Variants in TCF12 observed in about 807,000 individuals in gnomAD.
TCF12 encodes DNA-binding protein HTF4.
A neutral mutation model predicts 86.0 loss-of-function variants in TCF12; 45 were observed. That is an observed-to-expected ratio of 0.52 (90% CI 0.41 to 0.67). The LOEUF (loss-of-function observed/expected upper bound fraction) is 0.67. Among genes scored for constraint, TCF12 ranks in the 30% least tolerant of loss-of-function variants. TCF12 has a pLI of 0.00. For synonymous variants in TCF12, 330 were observed against 299.6 expected (o/e 1.10, Z -1.05); for missense variants, 881 against 859.9 (o/e 1.02, Z -0.31).
At chr15:57,117,999 T>G (rs1376326257) in intron 5 of TCF12, among the ~76,000 whole-genome samples, 11 of 152,210 alleles carry the variant, frequency 7.2e-5, no homozygotes, top group African/African-American at 2.7e-4. Flanking sequence ...TCTGTTATCT[T>G]TGTTCTATCA....
intron 5 of TCF12, among the ~76,000 whole-genome samples, chr15:57,127,132 A>G (rs1458891255): frequency 1.3e-5 from 2 of 151,498 alleles, no homozygotes; most frequent in Non-Finnish European, 2.9e-5. Context: ...ACACGCACCC[A>G]CCACCACACC....
At chr15:57,171,889 T>C (rs996481927) in intron 6 of TCF12, among the ~76,000 whole-genome samples, 1 of 152,238 alleles carries the variant, frequency 6.6e-6, no homozygotes, top group Admixed American at 6.5e-5. Context: ...AAGTTTTTCA[T>C]TTATACCTCT....
chr15:56,931,691 A>G (rs2060255506), intron 3 of TCF12, among the ~76,000 whole-genome samples: 1 of 152,186 alleles, frequency 6.6e-6, no homozygotes, highest in South Asian at 2.1e-4. Flanking sequence ...AGGCATCTTA[A>G]TTAAAAACAG....
chr15:57,048,818 C>T (rs1235882527), intron 3 of TCF12, among the ~76,000 whole-genome samples: 2 of 152,156 alleles, frequency 1.3e-5, no homozygotes, highest in Non-Finnish European at 2.9e-5. Flanking sequence ...ATAAGTGTAT[C>T]TTAAATGTAT....
At chr15:57,063,465 G>A (rs188817659) in intron 3 of TCF12, among the ~76,000 whole-genome samples, 61 of 152,308 alleles carry the variant, frequency 4.0e-4, no homozygotes, top group Admixed American at 6.5e-4. Context: ...AGTGCAGGGC[G>A]TGGTGCTGGA....
chr15:57,270,753 G>A (rs538397034), intron 18 of TCF12, among the ~76,000 whole-genome samples: 5 of 152,146 alleles, frequency 3.3e-5, no homozygotes, highest in Non-Finnish European at 7.4e-5. Context: ...TTTTGGTGTG[G>A]ATGTCCTTTT....
chr15:57,263,128 G>A lies in TCF12; in HGVS notation c.1599G>A (p.Gln533=). 1.9e-6 allele frequency: 3 copies of A among 1,608,700 alleles called. No homozygotes were observed. The highest frequency in any genetic ancestry group is 2.5e-6 in the Non-Finnish European group (3 of 1,178,832). The change falls in exon 18 of 21, where the codon CAG becomes CAA. Residue 533 remains glutamine (Q), a synonymous_variant. Coordinates refer to ENST00000333725, the MANE Select transcript of TCF12 (RefSeq NM_207037.2). Reference sequence around the variant, plus strand: ...CTTTGTTAGGTGGCTTGCAAAGTCAGTCTGGAACTGTTGTTACAACAGAAA... The same window carrying A: ...CTTTGTTAGGTGGCTTGCAAAGTCAATCTGGAACTGTTGTTACAACAGAAA... The part of the protein sequence containing the change: ...QENYRGGLQS[Q]SGTVVTTEIK...
chr15:57,228,392 G>A (rs1397996957), intron 8 of TCF12, among the ~76,000 whole-genome samples: 2 of 151,870 alleles, frequency 1.3e-5, no homozygotes, highest in South Asian at 2.1e-4. Flanking sequence ...TTGAACTCGT[G>A]TTAATACAAA....
intron 3 of TCF12, among the ~76,000 whole-genome samples, chr15:57,059,924 A>G (rs892530560): frequency 2.0e-5 from 3 of 152,116 alleles, no homozygotes; most frequent in Non-Finnish European, 4.4e-5. Context: ...GCTGTGGGAT[A>G]GTTTTTGATT....
chr15:57,144,767 T>A (rs186651150), intron 5 of TCF12, among the ~76,000 whole-genome samples: 32 of 152,180 alleles, frequency 2.1e-4, no homozygotes, highest in Admixed American at 3.9e-4. Context: ...CCCAGCTAAC[T>A]TTTTTGAATT....
intron 3 of TCF12, among the ~76,000 whole-genome samples, chr15:57,009,450 T>TA (rs1241546115): frequency 2.6e-5 from 4 of 152,136 alleles, no homozygotes; most frequent in African/African-American, 7.2e-5. Context: ...AGGTGGCTTT[T>TA]AAAAAAATCC....
rs536455814 is a variant in TCF12 at position 56,928,476 on chromosome 15, T to G, written c.148+7378T>G. ...TTTGGATAAAATGAAATGTTTTGTCTGTGGTGTTGGAAGTGAGGCAATACC... is the reference window on the plus strand; with the variant it reads ...TTTGGATAAAATGAAATGTTTTGTCGGTGGTGTTGGAAGTGAGGCAATACC... On this transcript the variant is annotated intron_variant, in intron 3 of 20. Coordinates refer to ENST00000333725, the MANE Select transcript of TCF12 (RefSeq NM_207037.2). 1.1e-4 allele frequency among the ~76,000 whole-genome samples: 17 copies of G among 152,284 alleles called. No individual in the cohort carries two copies. The East Asian group carries it at 2.9e-3, about 26-fold the overall frequency.
At chr15:57,078,780 T>C (rs1265309157) in intron 4 of TCF12, among the ~76,000 whole-genome samples, 6 of 152,214 alleles carry the variant, frequency 3.9e-5, no homozygotes, top group African/African-American at 1.4e-4. Flanking sequence ...AGGATATAGA[T>C]TGATAGTATG....
At chr15:57,053,868 A>G (rs2067805205) in intron 3 of TCF12, among the ~76,000 whole-genome samples, 1 of 152,172 alleles carries the variant, frequency 6.6e-6, no homozygotes, top group Admixed American at 6.5e-5. Context: ...GGCTTTGATG[A>G]CCTGAAAGAG....
chr15:57,062,251 C>T (rs1422671372), intron 3 of TCF12, among the ~76,000 whole-genome samples: 10 of 152,012 alleles, frequency 6.6e-5, no homozygotes, highest in Admixed American at 1.3e-4. Flanking sequence ...CCACGGTGCC[C>T]GGCCGGTAAC....
intron 3 of TCF12, among the ~76,000 whole-genome samples, chr15:56,931,596 G>C (rs561033347): frequency 6.6e-6 from 1 of 152,204 alleles, no homozygotes; most frequent in South Asian, 2.1e-4. Flanking sequence ...TCAGTCTTTG[G>C]TAAACTTTAT....
chr15:57,112,149 G>A (rs1053126904), intron 5 of TCF12, among the ~76,000 whole-genome samples: 1 of 152,168 alleles, frequency 6.6e-6, no homozygotes, highest in Non-Finnish European at 1.5e-5. Context: ...TTTTAGTCCA[G>A]AAACATGAGC....
In TCF12 at chr15:57,192,365, C is replaced by T. The variant is rs564870090; in HGVS notation, c.526+72C>T. 3.6e-4 allele frequency: 546 copies of T among 1,516,706 alleles called. No individual in the cohort carries two copies. In the African/African-American group the frequency reaches 7.1e-3, roughly 20 times the overall value. 94.0% of individuals were successfully genotyped at this position (1,516,706 alleles called of 1,614,324 possible). ...TTTTTTCCTCCCATAATCTGTACTTCTGGCTATGCTTTTTTTTTTTTTTCT... is the reference window on the plus strand; with the variant it reads ...TTTTTTCCTCCCATAATCTGTACTTTTGGCTATGCTTTTTTTTTTTTTTCT... On this transcript the variant is annotated intron_variant, in intron 7 of 20. Coordinates refer to ENST00000333725, the MANE Select transcript of TCF12 (RefSeq NM_207037.2).
chr15:57,231,288 A>G (rs1303625323), intron 9 of TCF12, 31 bp downstream of exon 9: 1 of 1,435,678 alleles, frequency 7.0e-7, no homozygotes, highest in Non-Finnish European at 9.8e-7. Context: ...GCCAAATACT[A>G]CTGCAGTCAT....
Sources: allele counts gnomAD v4.1 joint callset (sites outside exome capture counted in the v4.1 genomes callset), GRCh38; gene constraint gnomAD v4.1.1; transcripts MANE v1.5; gene names NCBI Gene and HGNC (gene_info 2026-07-23, HGNC 2026-07-21).